MEP1A: variants seen among roughly 807,000 people sequenced by gnomAD.
MEP1A encodes N-benzoyl-L-tyrosyl-P-amino-benzoic acid hydrolase subunit alpha.
MEP1A carries 68 observed loss-of-function variants against 84.5 expected under a neutral mutation model. The observed-to-expected ratio is 0.80, with a 90% CI of 0.66 to 0.98. The LOEUF (loss-of-function observed/expected upper bound fraction) is 0.98. Among genes scored for constraint, MEP1A ranks in the 50% least tolerant of loss-of-function variants. The pLI is 0.00. For missense variants in MEP1A, 887 were observed against 919.9 expected (o/e 0.96, Z 0.46); for synonymous variants, 337 against 336.8 (o/e 1.00, Z -0.01).
At chr6:46,803,182 G>C (rs1189157036) in intron 5 of MEP1A, among the ~76,000 whole-genome samples, 3 of 151,372 alleles carry the variant, frequency 2.0e-5, no homozygotes. Flanking sequence ...AAATAACCAA[G>C]TAATGGAATT....
chr6:46,827,645 A>G (rs908619061), intron 9 of MEP1A, among the ~76,000 whole-genome samples: 3 of 152,208 alleles, frequency 2.0e-5, no homozygotes, highest in Admixed American at 1.3e-4. Flanking sequence ...GTGATAAGCC[A>G]CTGACACTTT....
intron 3 of MEP1A, among the ~76,000 whole-genome samples, chr6:46,795,683 C>A (rs1238471655): frequency 6.6e-6 from 1 of 152,174 alleles, no homozygotes; most frequent in Non-Finnish European, 1.5e-5. Flanking sequence ...CATGTCTGGG[C>A]TGGTCCTTTG....
At chr6:46,836,899 T>G (rs1258857885) in intron 13 of MEP1A, among the ~76,000 whole-genome samples, 2 of 152,028 alleles carry the variant, frequency 1.3e-5, no homozygotes, top group East Asian at 3.9e-4. Flanking sequence ...CTGCAGCGTG[T>G]GAACAGGTAC....
chr6:46,824,327 T>C (rs1002404176), intron 7 of MEP1A, among the ~76,000 whole-genome samples: 24 of 151,080 alleles, frequency 1.6e-4, no homozygotes, highest in Admixed American at 5.3e-4. Context: ...TGTAAACATG[T>C]ACATGTATTT....
intron 12 of MEP1A, 125 bp downstream of exon 12, chr6:46,834,876 C>A (rs1321120706): frequency 1.1e-5 from 8 of 701,134 alleles, no homozygotes; most frequent in Non-Finnish European, 1.9e-5. Flanking sequence ...GTAGGAGAAT[C>A]ACATTTTATT....
rs760722056 is a variant in MEP1A at position 46,829,531 on chromosome 6, A to C, written c.1104A>C (p.Thr368=). The change falls in exon 10 of 14, where the codon ACA becomes ACC. Residue 368 remains threonine (T), a synonymous_variant. Coordinates refer to ENST00000230588, the MANE Select transcript of MEP1A (RefSeq NM_005588.3). The stretch of plus-strand genomic sequence containing the variant: ...TCTGGGTCAGGAGGGATGACAGCAC[A>C]GGCAATGTTCGCAAGTTGGTGAAGG... ...LVVWVRRDDS[T]GNVRKLVKVQ... The C allele has an allele frequency of 2.5e-6, 4 of 1,614,202 alleles. No homozygotes were observed. The highest frequency in any genetic ancestry group is 3.4e-6 in the Non-Finnish European group (4 of 1,180,036).
At chr6:46,796,792 C>T (rs1767058462) in intron 3 of MEP1A, among the ~76,000 whole-genome samples, 1 of 152,222 alleles carries the variant, frequency 6.6e-6, no homozygotes, top group African/African-American at 2.4e-5. Flanking sequence ...GTTCACTTCA[C>T]TCTGAAAGAG....
At position 46,819,624 on chromosome 6, in the gene MEP1A, A is replaced by T; in HGVS notation, c.476A>T (p.His159Leu). The change falls in exon 7 of 14, where the codon CAT becomes CTT. Residue 159 changes from histidine (H) to leucine (L), a missense_variant. Transcript: ENST00000230588. ...GCCATCATAGAACACGAGATCCTGC[A>T]TGCTTTGGGATTTTACCACGAGCAG... ...YKAIIEHEIL[H>L]ALGFYHEQSR... 1 of 1,614,136 alleles carries T rather than the reference A, an allele frequency of 6.2e-7. No homozygotes were observed. The highest frequency in any genetic ancestry group is 8.5e-7 in the Non-Finnish European group (1 of 1,179,992).
intron 3 of MEP1A, among the ~76,000 whole-genome samples, chr6:46,794,002 G>A (rs1766994473): frequency 6.6e-6 from 1 of 152,046 alleles, no homozygotes; most frequent in Non-Finnish European, 1.5e-5. Context: ...GGAGGAAAAG[G>A]AAAGCAAATA....
At chr6:46,797,838 C>CTTTCTTTCTTTCTTTT (rs1362068516) in intron 3 of MEP1A, among the ~76,000 whole-genome samples, 1 of 144,238 alleles carries the variant, frequency 6.9e-6, no homozygotes, top group African/African-American at 2.6e-5. Flanking sequence ...TTCTTTCTTT[C>CTTTCTTTCTTTCTTTT]TCTCTCTCTT....
chr6:46,815,696 C>A (rs1366073404), intron 6 of MEP1A, among the ~76,000 whole-genome samples: 2 of 152,188 alleles, frequency 1.3e-5, no homozygotes, highest in African/African-American at 4.8e-5. Context: ...TCTGTCCAGG[C>A]AGCTGCAAGC....
intron 10 of MEP1A, among the ~76,000 whole-genome samples, chr6:46,831,378 A>G (rs1007485672): frequency 6.6e-6 from 1 of 152,206 alleles, no homozygotes; most frequent in African/African-American, 2.4e-5. Flanking sequence ...AAATGTTGGC[A>G]TACAACTATG....
At chr6:46,824,197 G>C (rs1452218034) in intron 7 of MEP1A, among the ~76,000 whole-genome samples, 2 of 151,892 alleles carry the variant, frequency 1.3e-5, no homozygotes, top group Admixed American at 6.6e-5. Flanking sequence ...TATTTTTCCT[G>C]TCATTTGGAA....
At chr6:46,836,412 T>C (rs1446815630) in intron 13 of MEP1A, among the ~76,000 whole-genome samples, 1 of 152,196 alleles carries the variant, frequency 6.6e-6, no homozygotes, top group African/African-American at 2.4e-5. Flanking sequence ...TTCTTTTTAG[T>C]CTCCTTTTTT....
chr6:46,818,340 G>A (rs1767687993), intron 6 of MEP1A, among the ~76,000 whole-genome samples: 1 of 152,088 alleles, frequency 6.6e-6, no homozygotes, highest in Non-Finnish European at 1.5e-5. Flanking sequence ...AGTAGTCTTG[G>A]GGAGAACATT....
chr6:46,809,568 AT>A, intron 6 of MEP1A, 31 bp downstream of exon 6: 4 of 1,427,340 alleles, frequency 2.8e-6, no homozygotes, highest in Non-Finnish European at 3.9e-6. Flanking sequence ...AGTGAAAATC[AT>A]GCATACTTTG....
intron 5 of MEP1A, 39 bp downstream of exon 5, chr6:46,799,220 ACT>A (rs748581003): frequency 1.4e-5 from 19 of 1,347,944 alleles, no homozygotes; most frequent in South Asian, 4.7e-5. Context: ...TTTCAGTTTA[ACT>A]CTCTCTCTCC....
intron 11 of MEP1A, among the ~76,000 whole-genome samples, chr6:46,834,241 A>G (rs368635593): frequency 4.6e-5 from 7 of 150,906 alleles, no homozygotes; most frequent in East Asian, 1.9e-4. Flanking sequence ...TTTTTTTTTC[A>G]AAAGAGAAGA....
At position 46,826,435 on chromosome 6, in the gene MEP1A, C is replaced by T; in HGVS notation, c.860C>T (p.Thr287Ile). The change falls in exon 9 of 14, where the codon ACT becomes ATT. Residue 287 changes from threonine to isoleucine, a missense_variant. Coordinates refer to ENST00000230588, the MANE Select transcript of MEP1A (RefSeq NM_005588.3). ...CGMIQGTRDD[T>I]DWAHQDSAQA... ...ATGATTCAGGGCACCAGAGATGACA[C>T]TGACTGGGCCCATCAGGACAGTGCT... 6.2e-7 allele frequency: 1 copy of T among 1,609,072 alleles called. No homozygotes were observed. Among genetic ancestry groups the T allele is most frequent in the South Asian group, 1.1e-5 (1 of 89,380 alleles).
Sources: gnomAD v4.1 joint callset for allele counts (sites outside exome capture counted in the v4.1 genomes callset) on GRCh38, gnomAD v4.1.1 for gene constraint, MANE v1.5 for transcripts, NCBI Gene and HGNC (gene_info 2026-07-23, HGNC 2026-07-21) for gene names.